The following PLCE1 variants were observed in gnomAD, a reference collection of about 807,000 sequenced individuals.
PLCE1 encodes the protein 1-phosphatidylinositol 4,5-bisphosphate phosphodiesterase epsilon-1.
A neutral mutation model predicts 242.8 loss-of-function variants in PLCE1; 119 were observed. The ratio of observed to expected loss-of-function variants is 0.49; its 90% CI spans 0.42 to 0.57. PLCE1 has a LOEUF of 0.57. Among genes scored for constraint, PLCE1 ranks in the 20% least tolerant of loss-of-function variants. The pLI, the probability that PLCE1 is intolerant of heterozygous loss-of-function variation, is 0.00. For synonymous variants in PLCE1, 945 were observed against 1,017.4 expected, an observed-to-expected ratio of 0.93 and a Z score of 1.35; for missense variants, 2,441 against 2,788.8, an observed-to-expected ratio of 0.88 and a Z score of 2.81.
chr10:94,232,665 C>T (rs1564811681), intron 5 of PLCE1, among the ~76,000 whole-genome samples: 9 of 152,192 alleles, frequency 5.9e-5, no homozygotes, highest in Admixed American at 2.0e-4. Flanking sequence ...TCCTCACCCC[C>T]TGGGGTCCTG....
intron 5 of PLCE1, among the ~76,000 whole-genome samples, chr10:94,229,870 G>C (rs1400965590): frequency 6.6e-6 from 1 of 152,148 alleles, no homozygotes; most frequent in Non-Finnish European, 1.5e-5. Context: ...AGATAGATAG[G>C]CGAAAGTACC....
chr10:94,190,893 A>C (rs796439791), intron 4 of PLCE1, among the ~76,000 whole-genome samples: 25 of 152,266 alleles, frequency 1.6e-4, no homozygotes, highest in African/African-American at 6.0e-4. Context: ...TATAGAAGGG[A>C]TGAGCGAGCC....
chr10:94,160,278 C>T (rs540039846), intron 3 of PLCE1, among the ~76,000 whole-genome samples: 61 of 152,234 alleles, frequency 4.0e-4, no homozygotes, highest in African/African-American at 9.4e-4. Flanking sequence ...TCTCCAGCAC[C>T]TGTTGTTTCC....
chr10:94,232,192 T>C (rs1008574047), intron 5 of PLCE1, among the ~76,000 whole-genome samples: 1 of 152,228 alleles, frequency 6.6e-6, no homozygotes, highest in Non-Finnish European at 1.5e-5. Context: ...TTTGATTTTT[T>C]AAACTGAGAG....
intron 4 of PLCE1, among the ~76,000 whole-genome samples, chr10:94,178,757 C>T (rs1184665761): frequency 6.6e-6 from 1 of 152,214 alleles, no homozygotes. Flanking sequence ...ATGGAAAGAC[C>T]ATTTCAGCAC....
intron 12 of PLCE1, 42 bp downstream of exon 12, chr10:94,258,964 C>T (rs1265806979): frequency 1.2e-6 from 2 of 1,614,044 alleles, no homozygotes; most frequent in Non-Finnish European, 1.7e-6. Flanking sequence ...TCAGGCCCCC[C>T]CATTTCTATA....
intron 2 of PLCE1, among the ~76,000 whole-genome samples, chr10:94,091,077 T>C (rs1218520666): frequency 6.6e-6 from 1 of 152,184 alleles, no homozygotes; most frequent in Non-Finnish European, 1.5e-5. Context: ...GTGTATTACA[T>C]TATCCTCATT....
chr10:94,081,014 T>C (rs1445259279), intron 2 of PLCE1, among the ~76,000 whole-genome samples: 2 of 152,202 alleles, frequency 1.3e-5, no homozygotes, highest in South Asian at 2.1e-4. Context: ...CAAATGAAAG[T>C]AAATAGGAAA....
intron 2 of PLCE1, among the ~76,000 whole-genome samples, chr10:94,092,119 T>C (rs2135381056): frequency 6.6e-6 from 1 of 152,292 alleles, no homozygotes; most frequent in South Asian, 2.1e-4. Flanking sequence ...ACGAGAATTT[T>C]AAAAGCATGA....
chr10:94,019,477 C>G (rs569680976), intron 1 of PLCE1, among the ~76,000 whole-genome samples: 1 of 152,314 alleles, frequency 6.6e-6, no homozygotes, highest in African/African-American at 2.4e-5. Context: ...CATCACCCAC[C>G]CTGCTTCCAG....
intron 2 of PLCE1, among the ~76,000 whole-genome samples, chr10:94,122,518 C>A (rs2046327596): frequency 6.6e-6 from 1 of 152,180 alleles, no homozygotes; most frequent in Admixed American, 6.5e-5. Context: ...AAGGCCTGTT[C>A]CATTTACAGC....
At chr10:94,302,447 A>G (rs1331677034) in intron 24 of PLCE1, among the ~76,000 whole-genome samples, 1 of 152,232 alleles carries the variant, frequency 6.6e-6, no homozygotes, top group African/African-American at 2.4e-5. Flanking sequence ...TTTTGGCTTT[A>G]CAGCTTTAAA....
At position 94,273,703 on chromosome 10, in the gene PLCE1, G is replaced by A; in HGVS notation, c.4648G>A (p.Asp1550Asn). Residue 1550 changes from aspartate to asparagine, a missense_variant, in exon 19 of 33, where the codon GAT (aspartate) becomes AAT (asparagine). This residue lies in a region of PLCE1 where 1,004 missense variants were observed against 1,322.7 expected (regional missense o/e 0.76). Coordinates refer to ENST00000371380, the MANE Select transcript of PLCE1 (RefSeq NM_016341.4). ...GCTAAAAGCCCATCAGACGCCAGTGGATATCTTAAAGCAAAAGGTACTCCC... is the reference window on the plus strand; with the variant it reads ...GCTAAAAGCCCATCAGACGCCAGTGAATATCTTAAAGCAAAAGGTACTCCC... The part of the protein sequence containing the change: ...KKLKAHQTPV[D>N]ILKQKAHQLA... 6.2e-7 allele frequency: 1 copy of A among 1,613,876 alleles called. No homozygotes were observed. The highest frequency in any genetic ancestry group is 2.2e-5 in the East Asian group (1 of 44,826).
intron 28 of PLCE1, among the ~76,000 whole-genome samples, chr10:94,316,320 A>T (rs1226239426): frequency 6.6e-6 from 1 of 152,210 alleles, no homozygotes; most frequent in Admixed American, 6.5e-5. Flanking sequence ...GGGAAAAAAT[A>T]GTTATGCTGT....
rs1211144349 is a variant in PLCE1, at chr10:94,301,722, A to G, written c.5459-2760A>G. ...CAATAAAACCAACTCTTGAGTTTAG[A>G]AACTGACGTGAGGCTGGTATGCAAA... On this transcript the variant is annotated intron_variant, in intron 24 of 32. Coordinates refer to ENST00000371380, the MANE Select transcript of PLCE1 (RefSeq NM_016341.4). Among the ~76,000 whole-genome samples the G allele has an allele frequency of 3.9e-5, 6 of 152,314 alleles. No individual in the cohort carries two copies. In the East Asian group the frequency reaches 1.2e-3, roughly 29 times the overall value.
chr10:94,258,831 A>G lies in PLCE1; in HGVS notation c.3586A>G (p.Ile1196Val). Residue 1196 changes from isoleucine to valine, a missense_variant, in exon 12 of 33, where the codon ATC becomes GTC. Physicochemically the swap from Ile to Val is conservative, Grantham distance 29. Around this residue, in one of 5 missense-constraint regions of PLCE1, gnomAD observed 1,004 missense variants for 1,322.7 expected, o/e 0.76. Transcript: ENST00000371380. ...GAGCAGTAGTAGCTGGCACGGGCGG[A>G]TCAAAGGCGGCATGAAGGGATTTCA... ...AWSSSSWHGR[I>V]KGGMKGFQSF... The G allele has an allele frequency of 6.2e-7, 1 of 1,614,076 alleles. No individual in the cohort carries two copies. The highest frequency in any genetic ancestry group is 8.5e-7 in the Non-Finnish European group (1 of 1,179,976).
Position 94,313,383 on chromosome 10 carries a change from G to C in PLCE1, c.6132+1G>C. On this transcript the variant is annotated splice_donor_variant, in intron 28 of 32. Transcript: ENST00000371380. LOFTEE classifies it high-confidence loss of function. The stretch of plus-strand genomic sequence containing the variant: ...CAAGGCAAAGCAGCTTCTGCAGCAA[G>C]TAAGTCCACTGAGCCGTGGTTGGGA... 6.2e-7 allele frequency: 1 copy of C among 1,614,178 alleles called. No individual in the cohort carries two copies. The highest frequency in any genetic ancestry group is 8.5e-7 in the Non-Finnish European group (1 of 1,180,016).
intron 6 of PLCE1, among the ~76,000 whole-genome samples, chr10:94,234,579 T>G (rs2050254378): frequency 6.6e-6 from 1 of 152,230 alleles, no homozygotes; most frequent in Admixed American, 6.5e-5. Context: ...TGTTTTCTGA[T>G]GGTTTTTAAA....
intron 2 of PLCE1, among the ~76,000 whole-genome samples, chr10:94,051,618 T>C (rs2043769108): frequency 6.6e-6 from 1 of 152,206 alleles, no homozygotes; most frequent in Admixed American, 6.5e-5. Context: ...ATTGTAAAAT[T>C]ACTGCTAAGA....
Sources: gnomAD v4.1 joint callset for allele counts (sites outside exome capture counted in the v4.1 genomes callset) on GRCh38, gnomAD v4.1.1 for gene constraint, gnomAD v4.1.1 regional missense constraint, MANE v1.5 for transcripts, NCBI Gene and HGNC (gene_info 2026-07-23, HGNC 2026-07-21) for gene names.